Variants in UAP1 observed in about 807,000 individuals in gnomAD.
UAP1 encodes the protein UDP-N-acetylhexosamine pyrophosphorylase.
Under a neutral mutation model 58.5 loss-of-function variants are expected in UAP1, and 25 were observed. That is an observed-to-expected ratio of 0.43 (90% CI 0.31 to 0.60). The LOEUF is 0.60. Ranked by LOEUF, UAP1 falls within the 20% of genes least tolerant of loss-of-function variation. The pLI, the probability that UAP1 is intolerant of heterozygous loss-of-function variation, is 0.11. For missense variants in UAP1, 575 were observed against 630.0 expected (o/e 0.91, Z 0.93); for synonymous variants, 208 against 213.0 (o/e 0.98, Z 0.21).
intron 7 of UAP1, 45 bp downstream of exon 7, chr1:162,588,878 A>G (rs1655079273): frequency 1.3e-6 from 2 of 1,559,214 alleles, no homozygotes; most frequent in African/African-American, 2.8e-5. Flanking sequence ...ATGTCTTAAA[A>G]TGCTGCTTTT....
intron 2 of UAP1, among the ~76,000 whole-genome samples, chr1:162,569,265 C>T (rs1653712757): frequency 6.6e-6 from 1 of 152,200 alleles, no homozygotes; most frequent in Non-Finnish European, 1.5e-5. Context: ...TCCCCACACC[C>T]CCACCTCCTC....
At chr1:162,569,534 A>G (rs960289490) in intron 2 of UAP1, among the ~76,000 whole-genome samples, 1 of 152,248 alleles carries the variant, frequency 6.6e-6, no homozygotes, top group Non-Finnish European at 1.5e-5. Flanking sequence ...AGAAGTAATT[A>G]TAAGCTTTGA....
At chr1:162,565,485 CTTA>C (rs1653433777) in intron 1 of UAP1, among the ~76,000 whole-genome samples, 2 of 152,134 alleles carry the variant, frequency 1.3e-5, no homozygotes, top group African/African-American at 4.8e-5. Flanking sequence ...TGTATTTTTC[CTTA>C]TTATAGGTTG....
chr1:162,570,328 C>CAAA (rs947762420), intron 2 of UAP1, among the ~76,000 whole-genome samples: 5 of 152,074 alleles, frequency 3.3e-5, no homozygotes, highest in Non-Finnish European at 5.9e-5. Context: ...TTGTAGCCTG[C>CAAA]ACAAGAATTT....
At chr1:162,567,197 T>G (rs569464179) in intron 2 of UAP1, among the ~76,000 whole-genome samples, 1 of 152,340 alleles carries the variant, frequency 6.6e-6, no homozygotes, top group East Asian at 1.9e-4. Flanking sequence ...CCACACATAA[T>G]ATTTTATCTA....
At chr1:162,586,624 A>G (rs1340959206) in intron 5 of UAP1, among the ~76,000 whole-genome samples, 1 of 152,172 alleles carries the variant, frequency 6.6e-6, no homozygotes, top group African/African-American at 2.4e-5. Context: ...CATTGCATAT[A>G]GTTCTTTTAT....
intron 10 of UAP1, among the ~76,000 whole-genome samples, chr1:162,598,849 A>G (rs1272193293): frequency 6.6e-6 from 1 of 152,144 alleles, no homozygotes; most frequent in East Asian, 1.9e-4. Flanking sequence ...CCCTGTTTCT[A>G]CTAAAAAATA....
rs746484389 is a variant in UAP1, at chr1:162,576,768, C to G, written c.281-9C>G. The G allele has an allele frequency of 1.2e-5, 20 of 1,612,214 alleles. No individual in the cohort carries two copies. The highest frequency in any genetic ancestry group is 1.6e-5 in the Non-Finnish European group (19 of 1,179,394). ...AGAGGTTTTGTGATACAAGTGTTTTCTTTTCTAGGACTTTTCCAGATTTCT... is the reference window on the plus strand; with the variant it reads ...AGAGGTTTTGTGATACAAGTGTTTTGTTTTCTAGGACTTTTCCAGATTTCT... On this transcript the variant is annotated splice_polypyrimidine_tract_variant and intron_variant, in intron 2 of 10. Transcript: ENST00000271469.
intron 2 of UAP1, among the ~76,000 whole-genome samples, chr1:162,570,412 G>T (rs981754561): frequency 6.6e-6 from 1 of 151,930 alleles, no homozygotes; most frequent in African/African-American, 2.4e-5. Flanking sequence ...CCCCACATAA[G>T]CCCCCTTGAT....
chr1:162,570,913 A>G (rs925025943), intron 2 of UAP1, among the ~76,000 whole-genome samples: 1 of 152,100 alleles, frequency 6.6e-6, no homozygotes, highest in Non-Finnish European at 1.5e-5. Context: ...TATAGGAGGA[A>G]CTAGTCTAAG....
intron 9 of UAP1, among the ~76,000 whole-genome samples, chr1:162,596,894 A>G (rs1448910610): frequency 1.3e-5 from 2 of 152,212 alleles, no homozygotes; most frequent in African/African-American, 4.8e-5. Flanking sequence ...CTGCAAACTC[A>G]TTGACTATTT....
intron 10 of UAP1, 101 bp from the exon 11 acceptor site, chr1:162,599,170 C>G (rs1441442224): frequency 3.1e-6 from 2 of 648,996 alleles, no homozygotes; most frequent in African/African-American, 1.9e-5. Context: ...GCATCTCAAC[C>G]TTTTTTGGCA....
chr1:162,591,958 G>C (rs1169383906), intron 8 of UAP1, among the ~76,000 whole-genome samples: 1 of 152,114 alleles, frequency 6.6e-6, no homozygotes, highest in African/African-American at 2.4e-5. Flanking sequence ...CCTAAATCTT[G>C]TATTTTATGA....
chr1:162,599,205 G>T, intron 10 of UAP1, 66 bp from the exon 11 acceptor site: 1 of 969,478 alleles, frequency 1.0e-6, no homozygotes, highest in Non-Finnish European at 1.6e-6. Context: ...CATCATTATA[G>T]CAAGTCCAGC....
intron 1 of UAP1, among the ~76,000 whole-genome samples, chr1:162,562,707 C>T (rs1227004293): frequency 6.6e-6 from 1 of 152,152 alleles, no homozygotes; most frequent in Non-Finnish European, 1.5e-5. Flanking sequence ...TTGTCTATTC[C>T]TTCACGGTTA....
chr1:162,572,593 A>G lies in UAP1; in HGVS notation c.281-4184A>G, dbSNP rs556994166. On this transcript the variant is annotated intron_variant, in intron 2 of 10. Transcript: ENST00000271469. ...AAACAACTTAAAACACATGTGCCATATGAAGAAAATGTACTGTATAAAAAG... is the reference window on the plus strand; with the variant it reads ...AAACAACTTAAAACACATGTGCCATGTGAAGAAAATGTACTGTATAAAAAG... 7.9e-4 allele frequency among the ~76,000 whole-genome samples: 121 copies of G among 152,380 alleles called. 1 individual carries two copies. The highest frequency in any genetic ancestry group is 2.8e-3 in the African/African-American group (117 of 41,592).
At chr1:162,569,758 G>A (rs1417293421) in intron 2 of UAP1, among the ~76,000 whole-genome samples, 1 of 152,180 alleles carries the variant, frequency 6.6e-6, no homozygotes, top group Non-Finnish European at 1.5e-5. Flanking sequence ...CTATAGTAAA[G>A]TAAGTGGATT....
intron 2 of UAP1, among the ~76,000 whole-genome samples, chr1:162,571,634 TTAGTTAACATTTTTCAGGTAGG>T: frequency 6.6e-6 from 1 of 152,330 alleles, no homozygotes; most frequent in South Asian, 2.1e-4. Context: ...ACATTTATAT[TTAGTTAACATTTTTCAGGTAGG>T]TGCTGTGCTG....
At chr1:162,589,450 G>T (rs1470961274) in intron 7 of UAP1, among the ~76,000 whole-genome samples, 1 of 149,888 alleles carries the variant, frequency 6.7e-6, no homozygotes, top group Non-Finnish European at 1.5e-5. Flanking sequence ...ACTACGCCCC[G>T]CCTTGGTCTC....
Sources: gnomAD v4.1 joint callset for allele counts (sites outside exome capture counted in the v4.1 genomes callset) on GRCh38, gnomAD v4.1.1 for gene constraint, MANE v1.5 for transcripts, NCBI Gene and HGNC (gene_info 2026-07-23, HGNC 2026-07-21) for gene names.